Variants in LDB2 observed in about 807,000 individuals in gnomAD.
LDB2 encodes the protein LIM domain binding 2.
Under a neutral mutation model 44.3 loss-of-function variants are expected in LDB2, and 12 were observed. The ratio of observed to expected loss-of-function variants is 0.27; its 90% confidence interval spans 0.17 to 0.44. The LOEUF is 0.44. Ranked by LOEUF, LDB2 falls within the 20% of genes least tolerant of loss-of-function variation. The pLI is 1.00. For missense variants in LDB2, 344 were observed against 473.5 expected (o/e 0.73, Z 2.54); for synonymous variants, 164 against 174.8 (o/e 0.94, Z 0.49).
chr4:16,523,861 A>G (rs1008969138), intron 5 of LDB2, among the ~76,000 whole-genome samples: 1 of 152,248 alleles, frequency 6.6e-6, no homozygotes, highest in Non-Finnish European at 1.5e-5. Flanking sequence ...GACCATAGGT[A>G]ACCGAAACTG....
At chr4:16,566,838 GAACA>G (rs1266098314) in intron 5 of LDB2, among the ~76,000 whole-genome samples, 2 of 151,938 alleles carry the variant, frequency 1.3e-5, no homozygotes, top group Non-Finnish European at 2.9e-5. Flanking sequence ...TTAAGTATAC[GAACA>G]AACAATTCAC....
intron 2 of LDB2, among the ~76,000 whole-genome samples, chr4:16,615,635 G>A (rs781262398): frequency 2.0e-5 from 3 of 151,972 alleles, no homozygotes; most frequent in Non-Finnish European, 4.4e-5. Context: ...GGAACTTAGA[G>A]GATGGATCAA....
intron 2 of LDB2, among the ~76,000 whole-genome samples, chr4:16,610,084 C>T (rs1260247004): frequency 6.6e-6 from 1 of 151,926 alleles, no homozygotes; most frequent in African/African-American, 2.4e-5. Context: ...CTGAAGTGAA[C>T]CTCCAGCAAA....
chr4:16,808,669 T>C (rs927012372), intron 1 of LDB2, among the ~76,000 whole-genome samples: 3 of 152,278 alleles, frequency 2.0e-5, no homozygotes, highest in South Asian at 2.1e-4. Flanking sequence ...ATAAAGGTTA[T>C]TGTTTTGTAG....
At chr4:16,667,207 T>C (rs890429346) in intron 2 of LDB2, among the ~76,000 whole-genome samples, 10 of 152,192 alleles carry the variant, frequency 6.6e-5, no homozygotes, top group African/African-American at 2.4e-4. Context: ...GATCTTGAAC[T>C]AGTATCTTCC....
At position 16,767,060 on chromosome 4, in the gene LDB2, C is replaced by G. The variant is rs148414802; in HGVS notation, c.133-7800G>C. ...GGTTTGTACCTGTCTATATTTTGGT[C>G]CTTTCATTAGGAGGTCCCTGTACTT... On this transcript the variant is annotated intron_variant, in intron 1 of 7. Transcript: ENST00000304523. Among the ~76,000 whole-genome samples, 1,096 of 152,172 alleles carry G rather than the reference C, an allele frequency of 7.2e-3. 7 individuals are homozygous for G. Among genetic ancestry groups the G allele is most frequent in the Middle Eastern group, 0.024 (7 of 294 alleles).
chr4:16,546,192 A>ACAG (rs1735675845), intron 5 of LDB2, among the ~76,000 whole-genome samples: 1 of 152,176 alleles, frequency 6.6e-6, no homozygotes, highest in East Asian at 1.9e-4. Context: ...TTCACCATTG[A>ACAG]TATTAGTGCA....
chr4:16,775,370 G>T (rs890704559), intron 1 of LDB2, among the ~76,000 whole-genome samples: 32 of 152,130 alleles, frequency 2.1e-4, no homozygotes, highest in Non-Finnish European at 4.3e-4. Flanking sequence ...GAGGACCTGG[G>T]TCTAGACATC....
chr4:16,574,099 C>T (rs573865187), intron 5 of LDB2, among the ~76,000 whole-genome samples: 68 of 152,222 alleles, frequency 4.5e-4, no homozygotes, highest in African/African-American at 1.5e-3. Context: ...TTGCTATCAG[C>T]GGAGGCTACA....
intron 5 of LDB2, among the ~76,000 whole-genome samples, chr4:16,565,751 T>G (rs907504072): frequency 1.3e-4 from 20 of 151,804 alleles, no homozygotes; most frequent in Non-Finnish European, 1.5e-5. Flanking sequence ...GAGGGTAAAC[T>G]AAAAAAATTA....
intron 2 of LDB2, among the ~76,000 whole-genome samples, chr4:16,753,717 C>T (rs1267644875): frequency 6.6e-6 from 1 of 152,140 alleles, no homozygotes; most frequent in Non-Finnish European, 1.5e-5. Flanking sequence ...TGGAAATCCT[C>T]GTTCCAGACA....
intron 1 of LDB2, among the ~76,000 whole-genome samples, chr4:16,816,430 A>C (rs1244407580): frequency 1.1e-5 from 1 of 88,582 alleles, no homozygotes. Flanking sequence ...TTTTTTTGAG[A>C]TGGAGTTTTA....
At chr4:16,565,058 AT>A (rs915762655) in intron 5 of LDB2, among the ~76,000 whole-genome samples, 36 of 151,664 alleles carry the variant, frequency 2.4e-4, no homozygotes, top group African/African-American at 8.2e-4. Flanking sequence ...AAAGGAGTGG[AT>A]TTTTTTTTAG....
intron 2 of LDB2, among the ~76,000 whole-genome samples, chr4:16,708,523 C>G (rs1755124066): frequency 6.6e-6 from 1 of 152,094 alleles, no homozygotes; most frequent in African/African-American, 2.4e-5. Context: ...TTACCCACTA[C>G]TTACCACCTA....
At chr4:16,714,992 A>G (rs1756773092) in intron 2 of LDB2, among the ~76,000 whole-genome samples, 1 of 152,166 alleles carries the variant, frequency 6.6e-6, no homozygotes, top group South Asian at 2.1e-4. Flanking sequence ...GGACTGGGGT[A>G]TATCTTTTTT....
At chr4:16,688,468 A>G (rs1445777498) in intron 2 of LDB2, among the ~76,000 whole-genome samples, 1 of 152,200 alleles carries the variant, frequency 6.6e-6, no homozygotes, top group Non-Finnish European at 1.5e-5. Context: ...AAGAAATGAT[A>G]GATTCTTCCT....
At chr4:16,518,747 A>G (rs549725832) in intron 5 of LDB2, among the ~76,000 whole-genome samples, 2 of 152,256 alleles carry the variant, frequency 1.3e-5, no homozygotes, top group South Asian at 4.1e-4. Flanking sequence ...TTACGTCTCC[A>G]TAATAGGATA....
intron 2 of LDB2, among the ~76,000 whole-genome samples, chr4:16,620,194 T>C (rs1470160346): frequency 1.3e-5 from 2 of 152,168 alleles, no homozygotes; most frequent in East Asian, 3.9e-4. Flanking sequence ...CTGGCAGAGT[T>C]GCCAAATAAT....
chr4:16,745,999 C>T lies in LDB2; in HGVS notation c.235+13159G>A, dbSNP rs552011778. On this transcript the variant is annotated intron_variant, in intron 2 of 7. Transcript: ENST00000304523. ...GCATCTTTGAAGGCCTCGCTTTTGT[C>T]GTCTCTTCAACACTAATGATCAATC... 2.4e-3 allele frequency among the ~76,000 whole-genome samples: 360 copies of T among 152,054 alleles called. 1 individual carries two copies. The highest frequency in any genetic ancestry group is 3.5e-3 in the Non-Finnish European group (241 of 67,996).
Sources: gnomAD v4.1 joint callset for allele counts (sites outside exome capture counted in the v4.1 genomes callset) on GRCh38, gnomAD v4.1.1 for gene constraint, MANE v1.5 for transcripts, NCBI Gene and HGNC (gene_info 2026-07-23, HGNC 2026-07-21) for gene names.